The following NCSTN variants were observed in gnomAD, a reference collection of about 807,000 sequenced individuals.
The protein encoded by NCSTN is anterior pharynx-defective 2.
In NCSTN, 22 loss-of-function variants were observed where a neutral mutation model predicts 87.0. That is an observed-to-expected ratio of 0.25 (90% CI 0.18 to 0.36). The LOEUF (loss-of-function observed/expected upper bound fraction) is 0.36. NCSTN is among the 10% of genes least tolerant of loss of function. The pLI is 1.00. For synonymous variants in NCSTN, 306 were observed against 327.1 expected (o/e 0.94, Z 0.69); for missense variants, 693 against 883.3 (o/e 0.78, Z 2.73).
intron 10 of NCSTN, chr1:160,353,529 G>A: frequency 2.3e-6 from 3 of 1,300,144 alleles, no homozygotes; most frequent in Non-Finnish European, 3.0e-6. Context: ...TTCTTGCCTT[G>A]CTGCCCCATG....
chr1:160,350,453 C>CAA (rs5778159), intron 5 of NCSTN, among the ~76,000 whole-genome samples: 22 of 98,164 alleles, frequency 2.2e-4, no homozygotes, highest in African/African-American at 6.3e-4. Context: ...CCCTGTGTCA[C>CAA]AAAAAAAAAA....
chr1:160,357,978 T>C (rs1457712125), intron 16 of NCSTN, among the ~76,000 whole-genome samples, 171 bp from the exon 17 acceptor site: 1 of 152,180 alleles, frequency 6.6e-6, no homozygotes, highest in Non-Finnish European at 1.5e-5. Flanking sequence ...TCTTTTCAAA[T>C]GGGGAGACAA....
In NCSTN at chr1:160,354,115, C is replaced by G. The variant is rs1418386630; in HGVS notation, c.1180-3C>G. 6.2e-7 allele frequency: 1 copy of G among 1,613,892 alleles called. No homozygotes were observed. The highest frequency in any genetic ancestry group is 8.5e-7 in the Non-Finnish European group (1 of 1,179,916). On this transcript the variant is annotated splice_region_variant and splice_polypyrimidine_tract_variant and intron_variant, in intron 10 of 16. Coordinates refer to ENST00000294785, the MANE Select transcript of NCSTN (RefSeq NM_015331.3). ...ATCAGTTAATCTCCCTCGTACCCCCCAGGTGGAGGATCTCCTGGCCACATT... is the reference window on the plus strand; with the variant it reads ...ATCAGTTAATCTCCCTCGTACCCCCGAGGTGGAGGATCTCCTGGCCACATT...
chr1:160,348,933 A>G, intron 2 of NCSTN, 66 bp from the exon 3 acceptor site: 1 of 1,607,964 alleles, frequency 6.2e-7, no homozygotes, highest in Non-Finnish European at 8.5e-7. Flanking sequence ...GATACGCAGA[A>G]TCAGTGAGGC....
intron 10 of NCSTN, 194 bp downstream of exon 10, chr1:160,353,431 T>C (rs1410688588): frequency 1.6e-5 from 24 of 1,483,226 alleles, no homozygotes; most frequent in East Asian, 2.5e-5. Flanking sequence ...TGACATTCCA[T>C]TGGTTCCCTG....
In NCSTN at chr1:160,357,075, A is replaced by C. The variant is rs746288570; in HGVS notation, c.1829A>C (p.His610Pro). ...YEYSWVQGPLHSNETDRLPRC... is the reference protein window; with the variant it reads ...YEYSWVQGPLPSNETDRLPRC... Reference sequence around the variant, plus strand: ...TACTCATGGGTCCAGGGCCCTTTGCATTCTAATGAGACGGACCGACTCCCC... The same window carrying C: ...TACTCATGGGTCCAGGGCCCTTTGCCTTCTAATGAGACGGACCGACTCCCC... The change falls in exon 16 of 17, where the codon CAT (histidine) becomes CCT (proline). Residue 610 changes from histidine to proline, a missense_variant. Transcript: ENST00000294785. The C allele has an allele frequency of 7.4e-6, 12 of 1,613,870 alleles. No homozygotes were observed. The African/African-American group carries it at 1.6e-4, about 22-fold the overall frequency.
intron 7 of NCSTN, 116 bp downstream of exon 7, chr1:160,351,921 A>T (rs1456122764): frequency 1.4e-6 from 2 of 1,466,024 alleles, no homozygotes. Context: ...AATGGGGAGG[A>T]ATCTGGGCTG....
At position 160,349,574 on chromosome 1, in the gene NCSTN, A is replaced by C; in HGVS notation, c.340A>C (p.Arg114=). Residue 114 remains arginine (R), a synonymous_variant, in exon 4 of 17, where the codon AGA becomes CGA. Coordinates refer to ENST00000294785, the MANE Select transcript of NCSTN (RefSeq NM_015331.3). ...TRDLMEKLKG[R]TSRIAGLAVS... ...GGATTTAATGGAGAAGCTGAAAGGGAGAACCAGCCGAATTGCTGGTCTTGC... is the reference window on the plus strand; with the variant it reads ...GGATTTAATGGAGAAGCTGAAAGGGCGAACCAGCCGAATTGCTGGTCTTGC... 1 of 1,614,118 alleles carries C rather than the reference A, an allele frequency of 6.2e-7. No homozygotes were observed. The highest frequency in any genetic ancestry group is 8.5e-7 in the Non-Finnish European group (1 of 1,180,008).
In NCSTN at chr1:160,343,605, C is replaced by T. The variant is rs186576853; in HGVS notation, c.85+124C>T. ...TCTGTCCCCCCACCCTGTAAATCCTCTTTCTTTTTCGTTCCCACGACAGAA... is the reference window on the plus strand; with the variant it reads ...TCTGTCCCCCCACCCTGTAAATCCTTTTTCTTTTTCGTTCCCACGACAGAA... On this transcript the variant is annotated intron_variant, in intron 1 of 16. Coordinates refer to ENST00000294785, the MANE Select transcript of NCSTN (RefSeq NM_015331.3). 5,332 of 957,396 alleles carry T rather than the reference C, an allele frequency of 5.6e-3. 30 individuals carry two copies. The highest frequency in any genetic ancestry group is 7.6e-3 in the Non-Finnish European group (4,593 of 604,924). The allele number at this position is 957,396 out of a possible 1,614,324, so 59.3% of individuals were successfully genotyped here. A position where few individuals can be genotyped will look rare whatever the true frequency, so the allele number is the denominator to read the frequency against.
intron 1 of NCSTN, chr1:160,343,770 C>G (rs1648261497): frequency 1.5e-6 from 1 of 655,122 alleles, no homozygotes; most frequent in Admixed American, 2.1e-5. Context: ...TTCCCACAAC[C>G]CCAGCCACCC....
intron 2 of NCSTN, 101 bp from the exon 3 acceptor site, chr1:160,348,898 G>A (rs902860316): frequency 5.2e-6 from 8 of 1,540,954 alleles, no homozygotes; most frequent in Non-Finnish European, 5.4e-6. Flanking sequence ...ACCCAAATAT[G>A]TTGTGACATC....
At position 160,345,869 on chromosome 1, in the gene NCSTN, G is replaced by A. The variant is rs1648454644; in HGVS notation, c.190+1043G>A. Among the ~76,000 whole-genome samples, 6 of 150,152 alleles carry A rather than the reference G, an allele frequency of 4.0e-5. 1 individual carries two copies. In the South Asian group the frequency reaches 1.3e-3, roughly 32 times the overall value. On this transcript the variant is annotated intron_variant, in intron 2 of 16. Transcript: ENST00000294785. The stretch of plus-strand genomic sequence containing the variant: ...CAGAAGAATCCCTTGAGCCCAGGAG[G>A]CGGAGGTTGCAGTGAGCTGAGATTG...
At position 160,352,055 on chromosome 1, in the gene NCSTN, T is replaced by C. The variant is rs1334010030; in HGVS notation, c.845T>C (p.Leu282Pro). The change falls in exon 8 of 17, where the codon CTG becomes CCG. Residue 282 changes from leucine (L) to proline (P), a missense_variant and splice_region_variant. Physicochemically the swap from Leu to Pro is moderately conservative, Grantham distance 98. This residue lies in a region of NCSTN where 134 missense variants were observed against 226.0 expected (regional missense o/e 0.59). Transcript: ENST00000294785. ...DDRVVVAATR[L>P]DSRSFFWNVA... The stretch of plus-strand genomic sequence containing the variant: ...TGACTTTTCTTCTGTTGTACCTAGC[T>C]GGATAGTCGTTCCTTTTTCTGGAAT... 1 of 1,614,104 alleles carries C rather than the reference T, an allele frequency of 6.2e-7. No individual in the cohort carries two copies. Among genetic ancestry groups the C allele is most frequent in the Non-Finnish European group, 8.5e-7 (1 of 1,180,022 alleles).
At chr1:160,356,545 TA>T (rs1452895679) in intron 14 of NCSTN, 54 bp from the exon 15 acceptor site, 104 of 1,608,234 alleles carry the variant, frequency 6.5e-5, no homozygotes, top group Middle Eastern at 1.7e-4. Flanking sequence ...GGGCTTTTCC[TA>T]TTTCACCCAC....
chr1:160,350,122 T>G lies in NCSTN; in HGVS notation c.454T>G (p.Tyr152Asp), dbSNP rs754413509. 1 of 1,613,950 alleles carries G rather than the reference T, an allele frequency of 6.2e-7. No homozygotes were observed. Among genetic ancestry groups the G allele is most frequent in the Non-Finnish European group, 8.5e-7 (1 of 1,179,976 alleles). ...NDGFGVYSNS[Y>D]GPEFAHCREI... ...CCCTTCAGGTGTTTACTCCAATTCCTATGGGCCAGAGTTTGCTCACTGCAG... is the reference window on the plus strand; with the variant it reads ...CCCTTCAGGTGTTTACTCCAATTCCGATGGGCCAGAGTTTGCTCACTGCAG... Residue 152 changes from tyrosine to aspartate, a missense_variant, in exon 5 of 17, where the codon TAT becomes GAT. By Grantham distance (160) the Tyr-to-Asp change is radical. Coordinates refer to ENST00000294785, the MANE Select transcript of NCSTN (RefSeq NM_015331.3).
intron 15 of NCSTN, 80 bp downstream of exon 15, chr1:160,356,834 A>T (rs1649155399): frequency 1.9e-6 from 3 of 1,572,960 alleles, no homozygotes; most frequent in Non-Finnish European, 2.6e-6. Flanking sequence ...ACCTAGTTAG[A>T]CCCAGGGGAT....
At chr1:160,345,654 G>C (rs556541876) in intron 2 of NCSTN, among the ~76,000 whole-genome samples, 3 of 152,114 alleles carry the variant, frequency 2.0e-5, no homozygotes, top group African/African-American at 7.2e-5. Flanking sequence ...TGCCAAATAG[G>C]CTGGGCGCAG....
intron 2 of NCSTN, among the ~76,000 whole-genome samples, chr1:160,347,473 AC>A (rs1332040790): frequency 3.3e-5 from 5 of 152,154 alleles, no homozygotes; most frequent in Non-Finnish European, 5.9e-5. Context: ...GAGGTAGAAA[AC>A]CTCATTGAAG....
In NCSTN at chr1:160,345,284, C is replaced by T. The variant is rs144737836; in HGVS notation, c.190+458C>T. 713 of 229,670 alleles carry T rather than the reference C, an allele frequency of 3.1e-3. 5 individuals carry two copies. The highest frequency in any genetic ancestry group is 0.016 in the African/African-American group (672 of 43,194). The allele number at this position is 229,670 out of a possible 1,614,324, so 14.2% of individuals were successfully genotyped here. A position where few individuals can be genotyped will look rare whatever the true frequency, so the allele number is the denominator to read the frequency against. ...CTCGGCTCACGGTGACCTCTGCCTT[C>T]TAGGTTCAAGTGATTCTCCTGCCTC... On this transcript the variant is annotated intron_variant, in intron 2 of 16. Coordinates refer to ENST00000294785, the MANE Select transcript of NCSTN (RefSeq NM_015331.3).
Sources: gnomAD v4.1 joint callset for allele counts (sites outside exome capture counted in the v4.1 genomes callset) on GRCh38, gnomAD v4.1.1 for gene constraint, gnomAD v4.1.1 regional missense constraint, MANE v1.5 for transcripts, NCBI Gene and HGNC (gene_info 2026-07-23, HGNC 2026-07-21) for gene names.